ABL2: variants seen among roughly 807,000 people sequenced by gnomAD.
ABL2 encodes ABL proto-oncogene 2, non-receptor tyrosine kinase.
In ABL2, 49 loss-of-function variants were observed where a neutral mutation model predicts 107.7. The ratio of observed to expected loss-of-function variants is 0.45; its 90% CI spans 0.36 to 0.58. The LOEUF (loss-of-function observed/expected upper bound fraction) is 0.58. Among genes scored for constraint, ABL2 ranks in the 20% least tolerant of loss-of-function variants. The probability of loss-of-function intolerance (pLI) is 0.00; values close to 1 mark genes in which losing one functional copy is unlikely to be tolerated. For missense variants in ABL2, 1,245 were observed against 1,457.0 expected (o/e 0.85, Z 2.37); for synonymous variants, 549 against 548.6 (o/e 1.00, Z -0.01).
At chr1:179,201,994 A>G (rs2816207) in intron 1 of ABL2, 472,696 of 952,522 alleles carry the variant, frequency 0.5, 118,151 homozygotes, top group Admixed American at 0.56. Context: ...GCAGGAGAGG[A>G]GAGGGAAGGG....
rs957090599 is a variant in ABL2, at chr1:179,132,118, T to C, written c.221-637A>G. Among the ~76,000 whole-genome samples, 3 of 152,200 alleles carry C rather than the reference T, an allele frequency of 2.0e-5. No individual in the cohort carries two copies. The South Asian group carries it at 6.2e-4, about 31-fold the overall frequency. On this transcript the variant is annotated intron_variant, in intron 2 of 11. Coordinates refer to ENST00000502732, the MANE Select transcript of ABL2 (RefSeq NM_007314.4). ...TTTCGTTTTAAAAAAACAAAAGAAA[T>C]GTGGCCGCACCCGGCCTGAATGACT...
rs1663409450 is a variant in ABL2 at position 179,229,243 on chromosome 1, T to C, written c.155A>G (p.His52Arg). The change falls in exon 1 of 12, where the codon CAT becomes CGT. Residue 52 changes from histidine (H) to arginine (R), a missense_variant and splice_region_variant. By Grantham distance (29) the His-to-Arg change is conservative. Coordinates refer to ENST00000502732, the MANE Select transcript of ABL2 (RefSeq NM_007314.4). ...TETGFNIFTQ[H>R]DHFASCVEDG... ...TGCCGGCTCCCAGACACACTCACCA[T>C]GCTGGGTGAAGATATTGAAGCCGGT... is the stretch of plus-strand genomic sequence containing the variant. 7.7e-7 allele frequency: 1 copy of C among 1,301,244 alleles called. No homozygotes were observed. The highest frequency in any genetic ancestry group is 1.0e-6 in the Non-Finnish European group (1 of 1,000,602). 80.6% of individuals were successfully genotyped at this position (1,301,244 alleles called of 1,614,324 possible).
Position 179,100,859 on chromosome 1 carries a change from G to A in ABL2, c.*6859C>T. ...CCAGCTGCTCCCTCAGAGTGAACAG[G>A]GCTTTGCTACTCTGCTCAGGTCAAA... On this transcript the variant is annotated 3_prime_UTR_variant, in exon 12 of 12. Coordinates refer to ENST00000502732, the MANE Select transcript of ABL2 (RefSeq NM_007314.4). The A allele has an allele frequency of 4.3e-6, 1 of 232,846 alleles. No homozygotes were observed. Among genetic ancestry groups the A allele is most frequent in the East Asian group, 6.1e-5 (1 of 16,510 alleles). 14.4% of individuals were successfully genotyped at this position (232,846 alleles called of 1,614,324 possible).
chr1:179,168,384 A>T (rs1157194582), intron 1 of ABL2, among the ~76,000 whole-genome samples: 5 of 149,372 alleles, frequency 3.3e-5, no homozygotes, highest in African/African-American at 4.9e-5. Context: ...TGTATTTGTT[A>T]TTTTTTTTTT....
At chr1:179,179,433 A>G (rs1660238228) in intron 1 of ABL2, among the ~76,000 whole-genome samples, 1 of 152,184 alleles carries the variant, frequency 6.6e-6, no homozygotes, top group East Asian at 1.9e-4. Context: ...AAATATTAGG[A>G]AACAAGAGCA....
At chr1:179,223,148 T>G (rs1170627783) in intron 1 of ABL2, among the ~76,000 whole-genome samples, 1 of 142,488 alleles carries the variant, frequency 7.0e-6, no homozygotes, top group Non-Finnish European at 1.5e-5. Context: ...ATGCAGGGCC[T>G]CATGTCTGTA....
At chr1:179,164,061 T>C (rs1484570079) in intron 1 of ABL2, among the ~76,000 whole-genome samples, 1 of 152,186 alleles carries the variant, frequency 6.6e-6, no homozygotes, top group African/African-American at 2.4e-5. Flanking sequence ...AATATGTGAC[T>C]ACAGAGGGAT....
rs1341921527 is a variant in ABL2 at position 179,229,676 on chromosome 1, C to T, written c.-279G>A. Reference sequence around the variant, plus strand: ...CGCCACCGCCGCCGCCATCTTTAAACCACCGAGCGCTGGGAAAGCGTGGGA... The same window carrying T: ...CGCCACCGCCGCCGCCATCTTTAAATCACCGAGCGCTGGGAAAGCGTGGGA... On this transcript the variant is annotated 5_prime_UTR_variant, in exon 1 of 12. Coordinates refer to ENST00000502732, the MANE Select transcript of ABL2 (RefSeq NM_007314.4). 3 of 431,962 alleles carry T rather than the reference C, an allele frequency of 6.9e-6. No homozygotes were observed. The highest frequency in any genetic ancestry group is 4.5e-5 in the African/African-American group (2 of 44,564). 26.8% of individuals were successfully genotyped at this position (431,962 alleles called of 1,614,324 possible). A position where few individuals can be genotyped will look rare whatever the true frequency, so the allele number is the denominator to read the frequency against.
chr1:179,136,750 A>G (rs1657052399), intron 1 of ABL2, among the ~76,000 whole-genome samples: 1 of 150,406 alleles, frequency 6.6e-6, no homozygotes, highest in Admixed American at 6.6e-5. Context: ...ATAAAAATAA[A>G]AATAAAAATA....
chr1:179,212,177 A>T (rs931351498), intron 1 of ABL2, among the ~76,000 whole-genome samples: 1 of 152,208 alleles, frequency 6.6e-6, no homozygotes, highest in Non-Finnish European at 1.5e-5. Context: ...TCAGGAGAAC[A>T]GCATGGGAGA....
At chr1:179,128,097 T>C (rs1655917548) in intron 3 of ABL2, among the ~76,000 whole-genome samples, 1 of 151,528 alleles carries the variant, frequency 6.6e-6, no homozygotes, top group South Asian at 2.1e-4. Flanking sequence ...CTAAAAATAA[T>C]TATCCTTGTA....
At chr1:179,136,245 A>G (rs1178168714) in intron 1 of ABL2, among the ~76,000 whole-genome samples, 1 of 151,762 alleles carries the variant, frequency 6.6e-6, no homozygotes, top group African/African-American at 2.4e-5. Flanking sequence ...CATGATGACA[A>G]TGGCGGTTTT....
chr1:179,196,837 A>T (rs75025385), intron 1 of ABL2, among the ~76,000 whole-genome samples: 1,786 of 152,242 alleles, frequency 0.012, 28 homozygotes, highest in African/African-American at 0.041. Context: ...TAAAATGGTA[A>T]ATTTTATGTT....
At chr1:179,143,425 T>C (rs536143130) in intron 1 of ABL2, among the ~76,000 whole-genome samples, 26 of 152,326 alleles carry the variant, frequency 1.7e-4, no homozygotes, top group Admixed American at 9.1e-4. Flanking sequence ...AAAGTTTCCT[T>C]GGAGAAAATC....
In ABL2 at chr1:179,128,006, G is replaced by C. The variant is rs148349443; in HGVS notation, c.392-1334C>G. On this transcript the variant is annotated intron_variant, in intron 3 of 11. Transcript: ENST00000502732. ...GCCGAGATTGCACCACTGTACTCCA[G>C]CCTGGGAGACAGAGTGAGACTGCTA... 3.1e-3 allele frequency among the ~76,000 whole-genome samples: 451 copies of C among 146,640 alleles called. 3 individuals are homozygous for C. Among genetic ancestry groups the C allele is most frequent in the African/African-American group, 0.011 (440 of 39,440 alleles).
chr1:179,186,239 T>C (rs1660678259), intron 1 of ABL2, among the ~76,000 whole-genome samples: 1 of 151,930 alleles, frequency 6.6e-6, no homozygotes, highest in Non-Finnish European at 1.5e-5. Context: ...AGGGAGACGC[T>C]GTCTTAAAAA....
chr1:179,160,423 TC>T lies in ABL2; in HGVS notation c.158-27050del, dbSNP rs371084069. ...TATACTTCTACATCATTCCTATATA[TC>T]AAAATACCACTTAAGCTGAAATTCC... On this transcript the variant is annotated intron_variant, in intron 1 of 11. Transcript: ENST00000502732. Among the ~76,000 whole-genome samples, 330 of 152,092 alleles carry T rather than the reference TC, an allele frequency of 2.2e-3. 2 individuals carry two copies. The highest frequency in any genetic ancestry group is 7.5e-3 in the African/African-American group (311 of 41,532).
Position 179,107,987 on chromosome 1 carries a change from C to A in ABL2, c.3280G>T (p.Asp1094Tyr), listed in dbSNP as rs763955895. Residue 1094 changes from aspartate to tyrosine, a missense_variant, in exon 12 of 12, where the codon GAC becomes TAC. Asp to Tyr is a radical substitution (Grantham distance 160). Coordinates refer to ENST00000502732, the MANE Select transcript of ABL2 (RefSeq NM_007314.4). Reference protein sequence around the residue: ...ISKEALLECADLLSSALTEPV... With the variant: ...ISKEALLECAYLLSSALTEPV... ...TCCGTGAGTGCACTGGACAGTAGGT[C>A]AGCACATTCCAGCAGGGCCTCTTTG... is the stretch of plus-strand genomic sequence containing the variant. 6.2e-7 allele frequency: 1 copy of A among 1,614,222 alleles called. No individual in the cohort carries two copies. Among genetic ancestry groups the A allele is most frequent in the Non-Finnish European group, 8.5e-7 (1 of 1,180,028 alleles).
rs528523564 is a variant in ABL2, at chr1:179,221,771, T to C, written c.157+7470A>G. 9.4e-5 allele frequency: 22 copies of C among 234,736 alleles called. 1 individual carries two copies. Among genetic ancestry groups the C allele is most frequent in the Middle Eastern group, 1.1e-3 (2 of 1,880 alleles). 14.5% of individuals were successfully genotyped at this position (234,736 alleles called of 1,614,324 possible). On this transcript the variant is annotated intron_variant, in intron 1 of 11. Coordinates refer to ENST00000502732, the MANE Select transcript of ABL2 (RefSeq NM_007314.4). Reference sequence around the variant, plus strand: ...TCACAGGTTATCCCCTAATTGATAATTATTCCCATAGAGGATTTTACCAAA... The same window carrying C: ...TCACAGGTTATCCCCTAATTGATAACTATTCCCATAGAGGATTTTACCAAA...
Sources: gnomAD v4.1 joint callset for allele counts (sites outside exome capture counted in the v4.1 genomes callset) on GRCh38, gnomAD v4.1.1 for gene constraint, MANE v1.5 for transcripts, NCBI Gene and HGNC (gene_info 2026-07-23, HGNC 2026-07-21) for gene names.